SLC9A9: variants seen among roughly 807,000 people sequenced by gnomAD.
SLC9A9 encodes the protein solute carrier family 9 member A9, also known as sodium/hydrogen exchanger 9.
A neutral mutation model predicts 77.8 loss-of-function variants in SLC9A9; 62 were observed. The ratio of observed to expected loss-of-function variants is 0.80; its 90% confidence interval spans 0.65 to 0.98. The LOEUF (loss-of-function observed/expected upper bound fraction) is 0.98, where lower values mean the gene tolerates loss of function less well. SLC9A9 is among the 50% of genes least tolerant of loss of function. The probability of loss-of-function intolerance (pLI) is 0.00; values close to 1 mark genes in which losing one functional copy is unlikely to be tolerated. For missense variants in SLC9A9, 775 were observed against 774.9 expected (o/e 1.00, Z 0.00); for synonymous variants, 320 against 283.5 (o/e 1.13, Z -1.29).
chr3:143,577,548 T>C (rs1023038140), intron 7 of SLC9A9, among the ~76,000 whole-genome samples: 13 of 152,202 alleles, frequency 8.5e-5, no homozygotes, highest in African/African-American at 3.1e-4. Context: ...ATAACTTCGA[T>C]GCGGCTCTGG....
chr3:143,429,827 C>A (rs1366040921), intron 12 of SLC9A9, among the ~76,000 whole-genome samples: 1 of 152,104 alleles, frequency 6.6e-6, no homozygotes, highest in Non-Finnish European at 1.5e-5. Context: ...GCTAGTAATA[C>A]CAGAAGTCAG....
chr3:143,336,283 G>C (rs891883853), intron 14 of SLC9A9, among the ~76,000 whole-genome samples: 1 of 152,152 alleles, frequency 6.6e-6, no homozygotes, highest in Non-Finnish European at 1.5e-5. Context: ...TTTGTGCACT[G>C]TTGGTGAGAA....
chr3:143,760,741 A>G (rs1225328668), intron 4 of SLC9A9, among the ~76,000 whole-genome samples: 1 of 152,218 alleles, frequency 6.6e-6, no homozygotes, highest in Non-Finnish European at 1.5e-5. Context: ...AGGAATCATC[A>G]ATATCGTGAA....
At chr3:143,795,381 G>A (rs2008356439) in intron 3 of SLC9A9, among the ~76,000 whole-genome samples, 1 of 151,986 alleles carries the variant, frequency 6.6e-6, no homozygotes, top group African/African-American at 2.4e-5. Context: ...AAGGAACTGG[G>A]CAATGTCTAT....
intron 5 of SLC9A9, among the ~76,000 whole-genome samples, chr3:143,667,557 G>A (rs1019268847): frequency 1.3e-5 from 2 of 152,028 alleles, no homozygotes; most frequent in South Asian, 2.1e-4. Flanking sequence ...CTACAGAATG[G>A]GAGAAAATTT....
At chr3:143,541,110 C>A (rs1005120172) in intron 9 of SLC9A9, among the ~76,000 whole-genome samples, 1 of 152,168 alleles carries the variant, frequency 6.6e-6, no homozygotes, top group African/African-American at 2.4e-5. Flanking sequence ...AATTAATCCC[C>A]TCCCATTGCT....
At chr3:143,631,796 T>C (rs2038426755) in intron 6 of SLC9A9, among the ~76,000 whole-genome samples, 1 of 152,152 alleles carries the variant, frequency 6.6e-6, no homozygotes, top group Admixed American at 6.6e-5. Context: ...GAAATCTGGA[T>C]TTTTATGCTA....
intron 14 of SLC9A9, among the ~76,000 whole-genome samples, chr3:143,308,691 C>T (rs772508113): frequency 2.6e-5 from 4 of 152,058 alleles, no homozygotes; most frequent in African/African-American, 4.8e-5. Context: ...CTGTGAAGCT[C>T]GCCATGGTGA....
At chr3:143,783,764 T>C (rs567027799) in intron 4 of SLC9A9, among the ~76,000 whole-genome samples, 1 of 152,332 alleles carries the variant, frequency 6.6e-6, no homozygotes, top group African/African-American at 2.4e-5. Flanking sequence ...CAATTATGTT[T>C]GACAGTTTTG....
intron 9 of SLC9A9, chr3:143,503,592 G>A (rs576902911): frequency 8.6e-5 from 37 of 432,476 alleles, no homozygotes; most frequent in Non-Finnish European, 1.5e-4. Flanking sequence ...ATATGCCAAT[G>A]AGCTTCCTGG....
intron 4 of SLC9A9, among the ~76,000 whole-genome samples, chr3:143,793,023 T>C (rs1434068399): frequency 6.6e-6 from 1 of 152,204 alleles, no homozygotes; most frequent in African/African-American, 2.4e-5. Flanking sequence ...ATTAAGAAAG[T>C]AACTACAAAT....
At position 143,524,768 on chromosome 3, in the gene SLC9A9, C is replaced by T. The variant is rs539838419; in HGVS notation, c.1089+27594G>A. 1.4e-3 allele frequency among the ~76,000 whole-genome samples: 218 copies of T among 152,230 alleles called. 2 individuals carry two copies. Among genetic ancestry groups the T allele is most frequent in the Non-Finnish European group, 2.5e-4 (17 of 68,020 alleles). ...ACAGTGTTGAAAGGTAGTGACTTTA[C>T]GAAGTGATTAAAATGGATTAATGTC... On this transcript the variant is annotated intron_variant, in intron 9 of 15. Coordinates refer to ENST00000316549, the MANE Select transcript of SLC9A9 (RefSeq NM_173653.4).
At chr3:143,477,936 T>A (rs958891587) in intron 11 of SLC9A9, among the ~76,000 whole-genome samples, 46 of 152,334 alleles carry the variant, frequency 3.0e-4, no homozygotes, top group African/African-American at 9.4e-4. Context: ...CCAGGCAATG[T>A]GTTCAGCGGG....
At chr3:143,519,933 G>A (rs1477207307) in intron 9 of SLC9A9, among the ~76,000 whole-genome samples, 2 of 152,166 alleles carry the variant, frequency 1.3e-5, no homozygotes, top group Admixed American at 1.3e-4. Context: ...AGGGAGGAAA[G>A]GGGGAGGCAA....
At position 143,267,113 on chromosome 3, in the gene SLC9A9, TC is replaced by T. The variant is rs373609265; in HGVS notation, c.1711-185del. Among the ~76,000 whole-genome samples, 654 of 152,236 alleles carry T rather than the reference TC, an allele frequency of 4.3e-3. 10 individuals carry two copies. The highest frequency in any genetic ancestry group is 0.015 in the African/African-American group (628 of 41,534). ...CCTTTCCCTGAGTCAGCATTGAATA[TC>T]TGATGCTGTACAGCCATAAGGGGTC... On this transcript the variant is annotated intron_variant, in intron 15 of 15. Coordinates refer to ENST00000316549, the MANE Select transcript of SLC9A9 (RefSeq NM_173653.4).
rs2009644659 is a variant in SLC9A9 at position 143,839,171 on chromosome 3, T to G, written c.176-6950A>C. Among the ~76,000 whole-genome samples, 5 of 152,136 alleles carry G rather than the reference T, an allele frequency of 3.3e-5. No homozygotes were observed. In the South Asian group the frequency reaches 1.0e-3, roughly 32 times the overall value. On this transcript the variant is annotated intron_variant, in intron 1 of 15. Coordinates refer to ENST00000316549, the MANE Select transcript of SLC9A9 (RefSeq NM_173653.4). ...CTGTTCTCCCACCAACCTTTTAAAT[T>G]AAAAAAACTAAGGAAACTATAGGTC...
chr3:143,759,917 T>G (rs1267157577), intron 4 of SLC9A9, among the ~76,000 whole-genome samples: 1 of 151,980 alleles, frequency 6.6e-6, no homozygotes, highest in Non-Finnish European at 1.5e-5. Context: ...GGCAACAAAA[T>G]AACCCAACCA....
chr3:143,719,402 G>A (rs947177555), intron 4 of SLC9A9, among the ~76,000 whole-genome samples: 3 of 152,082 alleles, frequency 2.0e-5, no homozygotes, highest in Admixed American at 6.5e-5. Flanking sequence ...CTTTTCCTGT[G>A]TCTTTAATAA....
intron 13 of SLC9A9, among the ~76,000 whole-genome samples, chr3:143,380,839 TGTCTTGCCCAGGAAAACTCACCA>T (rs1326829369): frequency 7.2e-5 from 11 of 152,218 alleles, no homozygotes. Flanking sequence ...AGGAAAGCAG[TGTCTTGCCCAGGAAAACTCACCA>T]GTTGTGCCTC....
Sources: allele counts gnomAD v4.1 joint callset (sites outside exome capture counted in the v4.1 genomes callset), GRCh38; gene constraint gnomAD v4.1.1; transcripts MANE v1.5; gene names NCBI Gene and HGNC (gene_info 2026-07-23, HGNC 2026-07-21).